Variants in AMOTL1 observed in about 807,000 individuals in gnomAD.
AMOTL1 encodes angiomotin like 1, also known as angiomotin-like protein 1.
A neutral mutation model predicts 102.9 loss-of-function variants in AMOTL1; 45 were observed. The ratio of observed to expected loss-of-function variants is 0.44; its 90% CI spans 0.34 to 0.56. The LOEUF (loss-of-function observed/expected upper bound fraction) is 0.56. Ranked by LOEUF, AMOTL1 falls within the 20% of genes least tolerant of loss-of-function variation. The pLI is 0.01. For synonymous variants in AMOTL1, 481 were observed against 484.7 expected, an observed-to-expected ratio of 0.99 and a Z score of 0.10; for missense variants, 1,114 against 1,225.6, an observed-to-expected ratio of 0.91 and a Z score of 1.36.
At chr11:94,722,923 C>G (rs1458822641) in intron 1 of AMOTL1, among the ~76,000 whole-genome samples, 1 of 152,092 alleles carries the variant, frequency 6.6e-6, no homozygotes, top group Admixed American at 6.6e-5. Flanking sequence ...ATTAAAAAGC[C>G]ACAAACCAGA....
intron 2 of AMOTL1, among the ~76,000 whole-genome samples, chr11:94,730,817 G>C (rs563733252): frequency 2.6e-5 from 4 of 152,262 alleles, no homozygotes; most frequent in Admixed American, 1.3e-4. Flanking sequence ...CTTGCTTTCA[G>C]CACACCTATA....
chr11:94,861,917 G>A (rs34931677), intron 9 of AMOTL1, among the ~76,000 whole-genome samples: 3 of 152,112 alleles, frequency 2.0e-5, no homozygotes, highest in South Asian at 2.1e-4. Flanking sequence ...GGTAGGGAGC[G>A]AGGAGAACCA....
chr11:94,718,007 T>A (rs1434939479), intron 1 of AMOTL1, among the ~76,000 whole-genome samples: 1 of 151,944 alleles, frequency 6.6e-6, no homozygotes, highest in South Asian at 2.1e-4. Flanking sequence ...TAAATATGCC[T>A]TATAAAAATA....
At chr11:94,769,502 G>T (rs1378152437) in intron 1 of AMOTL1, among the ~76,000 whole-genome samples, 1 of 152,202 alleles carries the variant, frequency 6.6e-6, no homozygotes, top group Non-Finnish European at 1.5e-5. Context: ...CGAGAATCCC[G>T]GGTATCTGCG....
chr11:94,728,621 T>G (rs1273334098), intron 1 of AMOTL1, among the ~76,000 whole-genome samples: 1 of 152,164 alleles, frequency 6.6e-6, no homozygotes, highest in Non-Finnish European at 1.5e-5. Flanking sequence ...CACTATATCC[T>G]GCCCTGAAAT....
chr11:94,864,594 G>C, intron 9 of AMOTL1, 141 bp from the exon 10 acceptor site: 1 of 1,178,586 alleles, frequency 8.5e-7, no homozygotes, highest in Non-Finnish European at 1.2e-6. Context: ...AATTGGGAGG[G>C]AAAGGCTTCA....
chr11:94,869,278 A>G lies in AMOTL1; in HGVS notation c.2569A>G (p.Ile857Val), dbSNP rs753024149. The G allele has an allele frequency of 3.3e-5, 54 of 1,612,982 alleles. No homozygotes were observed. Among genetic ancestry groups the G allele is most frequent in the Middle Eastern group, 1.6e-4 (1 of 6,082 alleles). Reference protein sequence around the residue: ...PPPPTSALSSIASTTAASSAH... With the variant: ...PPPPTSALSSVASTTAASSAH... ...CCCACCCACCTCAGCACTGTCCTCC[A>G]TAGCCTCCACTACGGCAGCCAGCAG... Residue 857 changes from isoleucine to valine, a missense_variant, in exon 12 of 13, where the codon ATA becomes GTA. Transcript: ENST00000433060.
intron 1 of AMOTL1, among the ~76,000 whole-genome samples, chr11:94,717,376 A>G (rs1487894970): frequency 1.3e-5 from 2 of 149,194 alleles, no homozygotes; most frequent in African/African-American, 5.0e-5. Context: ...TAATTAAAGC[A>G]TGTCAGAAAA....
chr11:94,865,109 A>G (rs1952855258), intron 10 of AMOTL1, among the ~76,000 whole-genome samples: 1 of 152,156 alleles, frequency 6.6e-6, no homozygotes, highest in Non-Finnish European at 1.5e-5. Flanking sequence ...TTTAAGATGC[A>G]GGCTGAGTCT....
At chr11:94,861,268 A>G (rs904601583) in intron 9 of AMOTL1, among the ~76,000 whole-genome samples, 1 of 152,186 alleles carries the variant, frequency 6.6e-6, no homozygotes, top group African/African-American at 2.4e-5. Context: ...TCCCTGCAGT[A>G]TATGGATGGG....
chr11:94,767,615 G>C (rs1041664300), upstream of AMOTL1, among the ~76,000 whole-genome samples: 1 of 152,208 alleles, frequency 6.6e-6, no homozygotes, highest in Non-Finnish European at 1.5e-5. Context: ...CTATGGGGCA[G>C]GCTCGGGCAC....
At position 94,869,252 on chromosome 11, in the gene AMOTL1, C is replaced by A; in HGVS notation, c.2543C>A (p.Pro848His). The change falls in exon 12 of 13, where the codon CCC (proline) becomes CAC (histidine). Residue 848 changes from proline to histidine, a missense_variant. Physicochemically the swap from Pro to His is moderately conservative, Grantham distance 77. Coordinates refer to ENST00000433060, the MANE Select transcript of AMOTL1 (RefSeq NM_130847.3). ...CATGCCTCTGCCCCACTGCTGCCAC[C>A]CCCACCCACCTCAGCACTGTCCTCC... ...HEHASAPLLP[P>H]PPTSALSSIA... The A allele has an allele frequency of 1.2e-6, 2 of 1,613,058 alleles. No individual in the cohort carries two copies. The highest frequency in any genetic ancestry group is 1.7e-6 in the Non-Finnish European group (2 of 1,179,354).
intron 3 of AMOTL1, among the ~76,000 whole-genome samples, chr11:94,814,346 C>T (rs961511615): frequency 6.6e-6 from 1 of 152,176 alleles, no homozygotes; most frequent in African/African-American, 2.4e-5. Context: ...AAACAGAGAG[C>T]ACTGGCCTCA....
At position 94,708,375 on chromosome 11, in the gene AMOTL1, C is replaced by T. The variant is rs535775929; in HGVS notation, c.-51+1778C>T. 1.4e-4 allele frequency among the ~76,000 whole-genome samples: 21 copies of T among 152,306 alleles called. 1 individual carries two copies. Among genetic ancestry groups the T allele is most frequent in the Admixed American group, 1.4e-3 (21 of 15,296 alleles). On this transcript the variant is annotated intron_variant, in intron 1 of 4. Transcript: ENST00000299004. ...GGGAATGTAGAAAGCAGTGGGAAGG[C>T]AGCCTGAAGAATGCGTAAGCCTCAG...
At chr11:94,750,560 C>G (rs942987493) in intron 3 of AMOTL1, among the ~76,000 whole-genome samples, 4 of 152,172 alleles carry the variant, frequency 2.6e-5, no homozygotes, top group African/African-American at 9.6e-5. Context: ...GCTACGTGTG[C>G]GTAGCCTTGA....
At position 94,790,758 on chromosome 11, in the gene AMOTL1, G is replaced by A. The variant is rs377133674; in HGVS notation, c.50-4253G>A. ...CTAGTTGTGTGTATTGTATGATAGC[G>A]GAATGACAGTTTCACGTCCTCCAGG... On this transcript the variant is annotated intron_variant, in intron 1 of 12. Coordinates refer to ENST00000433060, the MANE Select transcript of AMOTL1 (RefSeq NM_130847.3). Among the ~76,000 whole-genome samples, 7 of 152,252 alleles carry A rather than the reference G, an allele frequency of 4.6e-5. No homozygotes were observed. In the South Asian group the frequency reaches 6.2e-4, roughly 14 times the overall value.
At chr11:94,825,055 A>G (rs1248789299) in intron 4 of AMOTL1, among the ~76,000 whole-genome samples, 1 of 152,172 alleles carries the variant, frequency 6.6e-6, no homozygotes, top group African/African-American at 2.4e-5. Context: ...GGACCCCCAG[A>G]AAGAGATGAT....
At chr11:94,783,182 T>C (rs978014744) in intron 1 of AMOTL1, among the ~76,000 whole-genome samples, 1 of 152,358 alleles carries the variant, frequency 6.6e-6, no homozygotes, top group Admixed American at 6.5e-5. Context: ...ACTGATGGTA[T>C]GGCACTAGTC....
At chr11:94,781,454 C>T (rs534984580) in intron 1 of AMOTL1, among the ~76,000 whole-genome samples, 104 of 152,260 alleles carry the variant, frequency 6.8e-4, no homozygotes, top group Non-Finnish European at 1.3e-3. Context: ...TGGACTTTCC[C>T]CATGGGGGAG....
Sources: gnomAD v4.1 joint callset for allele counts (sites outside exome capture counted in the v4.1 genomes callset) on GRCh38, gnomAD v4.1.1 for gene constraint, MANE v1.5 for transcripts, NCBI Gene and HGNC (gene_info 2026-07-23, HGNC 2026-07-21) for gene names.